Variants in DUSP8 observed in about 807,000 individuals in gnomAD.
DUSP8 encodes the protein dual specificity phosphatase 8.
DUSP8 carries 15 observed loss-of-function variants against 38.7 expected under a neutral mutation model. The ratio of observed to expected loss-of-function variants is 0.39; its 90% confidence interval spans 0.26 to 0.60. The LOEUF (loss-of-function observed/expected upper bound fraction) is 0.60. Ranked by LOEUF, DUSP8 falls within the 20% of genes least tolerant of loss-of-function variation. The pLI, the probability that DUSP8 is intolerant of heterozygous loss-of-function variation, is 0.56. For missense variants in DUSP8, 768 were observed against 915.0 expected, an observed-to-expected ratio of 0.84 and a Z score of 2.07; for synonymous variants, 458 against 433.9, an observed-to-expected ratio of 1.06 and a Z score of -0.69.
chr11:1,568,411 G>T (rs1049379876), intron 1 of DUSP8, among the ~76,000 whole-genome samples: 12 of 152,154 alleles, frequency 7.9e-5, no homozygotes, highest in Admixed American at 7.2e-4. Flanking sequence ...GCCTTTACCT[G>T]GCCCTGCTCT....
In DUSP8 at chr11:1,556,894, T is replaced by C; in HGVS notation, c.1502A>G (p.Gln501Arg). Reference protein sequence around the residue: ...LSAPGLPGPGQPAGPGAWAPP... With the variant: ...LSAPGLPGPGRPAGPGAWAPP... ...TGCCCAGGCCCCGGGGCCGGCCGGC[T>C]GGCCAGGGCCGGGCAGCCCGGGCGC... is the stretch of plus-strand genomic sequence containing the variant. The change falls in exon 7 of 7, where the codon CAG becomes CGG. Residue 501 changes from glutamine (Q) to arginine (R), a missense_variant. By Grantham distance (43) the Gln-to-Arg change is conservative. Around this residue, in one of 3 missense-constraint regions of DUSP8, gnomAD observed 474 missense variants for 430.8 expected, o/e 1.10. Coordinates refer to ENST00000397374, the MANE Select transcript of DUSP8 (RefSeq NM_004420.3). This position sits in a 1 kb window ranked among gnomAD's most constrained non-coding sequence, Gnocchi z 5.2. 1.8e-6 allele frequency: 2 copies of C among 1,089,816 alleles called. No individual in the cohort carries two copies. The highest frequency in any genetic ancestry group is 2.2e-6 in the Non-Finnish European group (2 of 898,700). The allele number at this position is 1,089,816 out of a possible 1,614,324, so 67.5% of individuals were successfully genotyped here.
At position 1,556,598 on chromosome 11, in the gene DUSP8, GC is replaced by G; in HGVS notation, c.1797del (p.Arg600AlafsTer64). The G allele has an allele frequency of 7.0e-7, 1 of 1,434,572 alleles. No homozygotes were observed. Among genetic ancestry groups the G allele is most frequent in the East Asian group, 3.0e-5 (1 of 33,406 alleles). 88.9% of individuals were successfully genotyped at this position (1,434,572 alleles called of 1,614,324 possible). A position where few individuals can be genotyped will look rare whatever the true frequency, so the allele number is the denominator to read the frequency against. ...QMEFEEGMVEGRARGEELAAL... is the reference protein window; with the variant it reads ...QMEFEEGMVEXRARGEELAAL... ...GCGGCCAGCTCCTCGCCGCGCGCGCGCCCCTCCACCATGCCCTCCTCGAACT... is the reference window on the plus strand; with the variant it reads ...GCGGCCAGCTCCTCGCCGCGCGCGCGCCCTCCACCATGCCCTCCTCGAACT... On this transcript the variant is annotated frameshift_variant, in exon 7 of 7. Transcript: ENST00000397374. LOFTEE classifies it high-confidence loss of function. The surrounding 1 kb of genome is among the most constrained non-coding windows in gnomAD (Gnocchi z 5.2).
chr11:1,560,891 C>T (rs1848707860), intron 3 of DUSP8, among the ~76,000 whole-genome samples: 1 of 152,156 alleles, frequency 6.6e-6, no homozygotes, highest in Non-Finnish European at 1.5e-5. Context: ...CTGGGGATTC[C>T]ATCAGTACCC....
chr11:1,559,060 A>G lies in DUSP8; in HGVS notation c.371-5T>C. 1 of 1,608,612 alleles carries G rather than the reference A, an allele frequency of 6.2e-7. No individual in the cohort carries two copies. ...AGGAGAAGGTGGCGAAGCCCCCTGT[A>G]GGAGGAGGGCCGTCAAGTGGGTTGA... On this transcript the variant is annotated splice_polypyrimidine_tract_variant and splice_region_variant and intron_variant, in intron 3 of 6. Transcript: ENST00000397374.
intron 1 of DUSP8, among the ~76,000 whole-genome samples, chr11:1,570,044 C>T (rs1848863865): frequency 6.6e-6 from 1 of 152,198 alleles, no homozygotes; most frequent in Non-Finnish European, 1.5e-5. Flanking sequence ...CCCAAGCTGG[C>T]CTACACTCTG....
At position 1,556,930 on chromosome 11, in the gene DUSP8, G is replaced by A. The variant is rs1848635891; in HGVS notation, c.1466C>T (p.Ser489Leu). ...AARQTPRHGL[S>L]ALSAPGLPGP... ...GGGCAGCCCGGGCGCCGACAGGGCC[G>A]AGAGGCCGTGCCGCGGAGTCTGCCG... Residue 489 changes from serine to leucine, a missense_variant, in exon 7 of 7, where the codon TCG becomes TTG. Coordinates refer to ENST00000397374, the MANE Select transcript of DUSP8 (RefSeq NM_004420.3). The surrounding 1 kb of genome is among the most constrained non-coding windows in gnomAD (Gnocchi z 5.2). The A allele has an allele frequency of 3.7e-6, 4 of 1,079,230 alleles. No individual in the cohort carries two copies. The highest frequency in any genetic ancestry group is 4.5e-6 in the Non-Finnish European group (4 of 891,882). 66.9% of individuals were successfully genotyped at this position (1,079,230 alleles called of 1,614,324 possible). A position where few individuals can be genotyped will look rare whatever the true frequency, so the allele number is the denominator to read the frequency against.
intron 1 of DUSP8, among the ~76,000 whole-genome samples, chr11:1,566,677 C>T (rs1001507457): frequency 6.6e-6 from 1 of 152,210 alleles, no homozygotes; most frequent in Non-Finnish European, 1.5e-5. Flanking sequence ...GTTGCACCCA[C>T]ACAGTGCCTC....
At chr11:1,569,756 C>T (rs1848859474) in intron 1 of DUSP8, among the ~76,000 whole-genome samples, 1 of 152,194 alleles carries the variant, frequency 6.6e-6, no homozygotes, top group African/African-American at 2.4e-5. Context: ...TCACTACCTT[C>T]AGAGACAGCT....
In DUSP8 at chr11:1,556,274, G is replaced by A. The variant is rs2133426125; in HGVS notation, c.*244C>T. 2.2e-6 allele frequency: 1 copy of A among 456,830 alleles called. No homozygotes were observed. The highest frequency in any genetic ancestry group is 3.4e-6 in the Non-Finnish European group (1 of 291,270). 28.3% of individuals were successfully genotyped at this position (456,830 alleles called of 1,614,324 possible). A position where few individuals can be genotyped will look rare whatever the true frequency, so the allele number is the denominator to read the frequency against. The stretch of plus-strand genomic sequence containing the variant: ...TGGCACCCAGCTTGCGACTGAAGGT[G>A]GCCTCGTATTGCTTAGAAACGTATG... On this transcript the variant is annotated 3_prime_UTR_variant, in exon 7 of 7. Transcript: ENST00000397374. This position sits in a 1 kb window ranked among gnomAD's most constrained non-coding sequence, Gnocchi z 5.2.
intron 3 of DUSP8, 60 bp downstream of exon 3, chr11:1,563,779 TGCCCCAGCCCCA>T (rs772858992): frequency 1.0e-5 from 14 of 1,407,000 alleles, no homozygotes; most frequent in African/African-American, 7.3e-5. Context: ...ACCTCCCTGA[TGCCCCAGCCCCA>T]GCCCCAGCCC....
chr11:1,564,125 G>A (rs889706005), intron 2 of DUSP8, 136 bp from the exon 3 acceptor site: 94 of 1,127,808 alleles, frequency 8.3e-5, no homozygotes, highest in Admixed American at 3.8e-4. Flanking sequence ...TTGCTGCCTG[G>A]AGGGGAGGGC....
At position 1,558,760 on chromosome 11, in the gene DUSP8, C is replaced by A. The variant is rs1848674240; in HGVS notation, c.537+129G>T. 1 of 1,168,528 alleles carries A rather than the reference C, an allele frequency of 8.6e-7. No individual in the cohort carries two copies. Among genetic ancestry groups the A allele is most frequent in the Admixed American group, 2.4e-5 (1 of 41,132 alleles). 72.4% of individuals were successfully genotyped at this position (1,168,528 alleles called of 1,614,324 possible). A position where few individuals can be genotyped will look rare whatever the true frequency, so the allele number is the denominator to read the frequency against. On this transcript the variant is annotated intron_variant, in intron 4 of 6. Transcript: ENST00000397374. The surrounding 1 kb of genome is among the most constrained non-coding windows in gnomAD (Gnocchi z 6.3). ...TCCTCCTGGGCCCCCACCCATGCTTCTCCCACACCCAGCTCATCCACTGCC... is the reference window on the plus strand; with the variant it reads ...TCCTCCTGGGCCCCCACCCATGCTTATCCCACACCCAGCTCATCCACTGCC...
At position 1,565,520 on chromosome 11, in the gene DUSP8, G is replaced by C. The variant is rs1004030374; in HGVS notation, c.231+76C>G. 5 of 1,191,248 alleles carry C rather than the reference G, an allele frequency of 4.2e-6. No homozygotes were observed. The Admixed American group carries it at 8.3e-5, about 20-fold the overall frequency. 73.8% of individuals were successfully genotyped at this position (1,191,248 alleles called of 1,614,324 possible). A position where few individuals can be genotyped will look rare whatever the true frequency, so the allele number is the denominator to read the frequency against. ...TTGGACTGGAAGGCAGAGGAGGGGG[G>C]TGCTGCCCGAGCTGAGGGCCCCTTA... On this transcript the variant is annotated intron_variant, in intron 2 of 6. Coordinates refer to ENST00000397374, the MANE Select transcript of DUSP8 (RefSeq NM_004420.3).
intron 2 of DUSP8, 48 bp downstream of exon 2, chr11:1,565,548 T>G: frequency 6.8e-7 from 1 of 1,479,244 alleles, no homozygotes; most frequent in South Asian, 1.2e-5. Context: ...GCCCCTTAGC[T>G]GTGGACCCTG....
chr11:1,572,141 C>G lies in DUSP8; in HGVS notation c.-349G>C, dbSNP rs1009672623. Among the ~76,000 whole-genome samples, 1 of 145,580 alleles carries G rather than the reference C, an allele frequency of 6.9e-6. No homozygotes were observed. The highest frequency in any genetic ancestry group is 2.5e-5 in the African/African-American group (1 of 40,624). On this transcript the variant is annotated 5_prime_UTR_variant, in exon 1 of 7. Transcript: ENST00000397374. The surrounding 1 kb of genome is among the most constrained non-coding windows in gnomAD (Gnocchi z 4.7). ...GCGCTCGCGGCGCGCATCCCAGCCCCGCGGCTCGGCGGGCGCGGCCGGGAG... is the reference window on the plus strand; with the variant it reads ...GCGCTCGCGGCGCGCATCCCAGCCCGGCGGCTCGGCGGGCGCGGCCGGGAG...
chr11:1,572,446 G>A (rs1564939957), upstream of DUSP8, among the ~76,000 whole-genome samples: 1 of 147,206 alleles, frequency 6.8e-6, no homozygotes. This position sits in a 1 kb window ranked among gnomAD's most constrained non-coding sequence, Gnocchi z 4.7. Flanking sequence ...GGGGCGGGGT[G>A]CAGGGTGCGG....
Position 1,554,832 on chromosome 11 carries a change from C to T in DUSP8, c.*1686G>A, listed in dbSNP as rs1233902016. 1 of 647,444 alleles carries T rather than the reference C, an allele frequency of 1.5e-6. No individual in the cohort carries two copies. 40.1% of individuals were successfully genotyped at this position (647,444 alleles called of 1,614,324 possible). ...AACCAATAATAATAAATACTTAAAC[C>T]TCTAATCCATAGATTGCAAATACAA... On this transcript the variant is annotated 3_prime_UTR_variant, in exon 7 of 7. Transcript: ENST00000397374.
intron 3 of DUSP8, among the ~76,000 whole-genome samples, chr11:1,562,196 C>A (rs1023306944): frequency 7.2e-5 from 11 of 152,176 alleles, no homozygotes; most frequent in Non-Finnish European, 1.2e-4. Flanking sequence ...CCCCAGCCCC[C>A]CAAACCGTCC....
upstream of DUSP8, among the ~76,000 whole-genome samples, chr11:1,572,424 T>C (rs1208608542): frequency 1.1e-5 from 1 of 91,110 alleles, no homozygotes; most frequent in African/African-American, 4.2e-5. The surrounding 1 kb of genome is among the most constrained non-coding windows in gnomAD (Gnocchi z 4.7). Context: ...CTGAGGCGGC[T>C]GCCGCGGGGG....
Sources: gnomAD v4.1 joint callset for allele counts (sites outside exome capture counted in the v4.1 genomes callset) on GRCh38, gnomAD v4.1.1 for gene constraint, gnomAD v4.1.1 regional missense constraint, Gnocchi (gnomAD v3.1) non-coding constraint, MANE v1.5 for transcripts, NCBI Gene and HGNC (gene_info 2026-07-23, HGNC 2026-07-21) for gene names.